LIPN: variants seen among roughly 807,000 people sequenced by gnomAD.
The protein encoded by LIPN is lipase member N.
In LIPN, 32 loss-of-function variants were observed where a neutral mutation model predicts 43.7. The observed-to-expected ratio is 0.73, with a 90% confidence interval of 0.55 to 0.98. The LOEUF (loss-of-function observed/expected upper bound fraction) is 0.98, where lower values mean the gene tolerates loss of function less well. LIPN is among the 50% of genes least tolerant of loss of function. The probability of loss-of-function intolerance (pLI) is 0.00; values close to 1 mark genes in which losing one functional copy is unlikely to be tolerated. For missense variants in LIPN, 505 were observed against 483.8 expected, an observed-to-expected ratio of 1.04 and a Z score of -0.41; for synonymous variants, 156 against 157.6, an observed-to-expected ratio of 0.99 and a Z score of 0.08.
chr10:88,776,944 A>T (rs1024955496), intron 9 of LIPN, among the ~76,000 whole-genome samples: 3 of 151,740 alleles, frequency 2.0e-5, no homozygotes, highest in African/African-American at 7.3e-5. Context: ...CCTGTCCCTT[A>T]TGAAAAACAA....
In LIPN at chr10:88,764,609, GTA is replaced by G. The variant is rs1843060779; in HGVS notation, c.425+2_425+3del. The stretch of plus-strand genomic sequence containing the variant: ...CAGATGAGAAATTCTGGGCCTTTAG[GTA>G]AATATTAGCTAAGAAAACTCAAGGG... On this transcript the variant is annotated splice_donor_variant and splice_donor_region_variant and intron_variant, in intron 4 of 9. Transcript: ENST00000404459. LOFTEE classifies it high-confidence loss of function. 1.9e-6 allele frequency: 3 copies of G among 1,583,804 alleles called. No homozygotes were observed. The highest frequency in any genetic ancestry group is 1.7e-6 in the Non-Finnish European group (2 of 1,163,232).
At chr10:88,762,430 A>C (rs1843018328) in intron 3 of LIPN, 125 bp downstream of exon 3, 1 of 646,174 alleles carries the variant, frequency 1.5e-6, no homozygotes, top group Admixed American at 2.4e-5. Flanking sequence ...ATTAGTCTTT[A>C]AATAGTTATC....
chr10:88,761,759 C>G (rs12258975), intron 2 of LIPN, among the ~76,000 whole-genome samples: 4 of 87,078 alleles, frequency 4.6e-5, no homozygotes, highest in African/African-American at 1.2e-4. Context: ...ATCTATCTAT[C>G]TATGTATCTA....
Position 88,761,530 on chromosome 10 carries a change from T to C in LIPN, c.108+17T>C. ...ATGAATACTGTAAGTCATGGAAAAC[T>C]GTGAAGAACATCAAATAAAGCAGGA... is the stretch of plus-strand genomic sequence containing the variant. On this transcript the variant is annotated intron_variant, in intron 2 of 9. Coordinates refer to ENST00000404459, the MANE Select transcript of LIPN (RefSeq NM_001102469.2). 3 of 1,533,260 alleles carry C rather than the reference T, an allele frequency of 2.0e-6. No individual in the cohort carries two copies. Among genetic ancestry groups the C allele is most frequent in the Non-Finnish European group, 9.0e-7 (1 of 1,107,640 alleles). The allele number at this position is 1,533,260 out of a possible 1,614,324, so 95.0% of individuals were successfully genotyped here.
At position 88,778,095 on chromosome 10, in the gene LIPN, G is replaced by T; in HGVS notation, c.1050G>T (p.Gln350His). The T allele has an allele frequency of 6.2e-7, 1 of 1,613,624 alleles. No individual in the cohort carries two copies. Among genetic ancestry groups the T allele is most frequent in the Non-Finnish European group, 8.5e-7 (1 of 1,179,684 alleles). ...GACATGATGTCCTCGTAACACCCCA[G>T]GATGTGGCCAGGATACTCCCTCAAA... is the stretch of plus-strand genomic sequence containing the variant. ...AGGHDVLVTP[Q>H]DVARILPQIK... The change falls in exon 10 of 10, where the codon CAG (glutamine) becomes CAT (histidine). Residue 350 changes from glutamine to histidine, a missense_variant. Transcript: ENST00000404459.
chr10:88,768,801 C>T lies in LIPN; in HGVS notation c.545C>T (p.Ala182Val). Residue 182 changes from alanine (A) to valine (V), a missense_variant, in exon 6 of 10, where the codon GCC becomes GTC. Ala to Val is a moderately conservative substitution (Grantham distance 64). Transcript: ENST00000404459. ...HSLGTTIGFV[A>V]FSTMPELAQR... Reference sequence around the variant, plus strand: ...TCTCCTGTTCTCTCAGGGTTTGTAGCCTTTTCCACCATGCCTGAACTGGCA... The same window carrying T: ...TCTCCTGTTCTCTCAGGGTTTGTAGTCTTTTCCACCATGCCTGAACTGGCA... 6.2e-7 allele frequency: 1 copy of T among 1,611,048 alleles called. No individual in the cohort carries two copies. Among genetic ancestry groups the T allele is most frequent in the Non-Finnish European group, 8.5e-7 (1 of 1,178,216 alleles).
Position 88,768,775 on chromosome 10 carries a change from A to G in LIPN, c.536-17A>G, listed in dbSNP as rs541378758. On this transcript the variant is annotated splice_polypyrimidine_tract_variant and intron_variant, in intron 5 of 9. Coordinates refer to ENST00000404459, the MANE Select transcript of LIPN (RefSeq NM_001102469.2). Reference sequence around the variant, plus strand: ...GTATTTATTTTTACAAGATTGTCTTATCTCCTGTTCTCTCAGGGTTTGTAG... The same window carrying G: ...GTATTTATTTTTACAAGATTGTCTTGTCTCCTGTTCTCTCAGGGTTTGTAG... The G allele has an allele frequency of 6.2e-7, 1 of 1,605,172 alleles. No individual in the cohort carries two copies. Among genetic ancestry groups the G allele is most frequent in the East Asian group, 2.2e-5 (1 of 44,628 alleles).
rs1240808381 is a variant in LIPN at position 88,766,383 on chromosome 10, G to GT, written c.535+8dup. On this transcript the variant is annotated splice_donor_region_variant and intron_variant, in intron 5 of 9. Transcript: ENST00000404459. ...ATTCACTTGGCACTACAATAGGTAT[G>GT]TTTATGAGGGTCACTGTTAGGTGTG... is the stretch of plus-strand genomic sequence containing the variant. The GT allele has an allele frequency of 6.7e-7, 1 of 1,498,424 alleles. No individual in the cohort carries two copies. The highest frequency in any genetic ancestry group is 9.3e-7 in the Non-Finnish European group (1 of 1,076,024). 92.8% of individuals were successfully genotyped at this position (1,498,424 alleles called of 1,614,324 possible).
At chr10:88,776,719 G>A (rs303481) in intron 9 of LIPN, among the ~76,000 whole-genome samples, 1 of 151,930 alleles carries the variant, frequency 6.6e-6, no homozygotes, top group Admixed American at 6.6e-5. Flanking sequence ...TTTCTCATCT[G>A]GAAGAGTACA....
At chr10:88,776,871 A>G (rs1312264147) in intron 9 of LIPN, among the ~76,000 whole-genome samples, 1 of 151,936 alleles carries the variant, frequency 6.6e-6, no homozygotes, top group East Asian at 1.9e-4. Flanking sequence ...TTTCCAAGTT[A>G]TTCCGGTCCT....
At chr10:88,762,659 T>C (rs531010501) in intron 3 of LIPN, among the ~76,000 whole-genome samples, 9 of 152,208 alleles carry the variant, frequency 5.9e-5, no homozygotes, top group African/African-American at 2.2e-4. Flanking sequence ...GGAGATTTTC[T>C]AGGTTGTATG....
At position 88,770,959 on chromosome 10, in the gene LIPN, T is replaced by A; in HGVS notation, c.787T>A (p.Trp263Arg). 1 of 1,572,080 alleles carries A rather than the reference T, an allele frequency of 6.4e-7. No homozygotes were observed. Among genetic ancestry groups the A allele is most frequent in the African/African-American group, 1.3e-5 (1 of 74,092 alleles). ...WLICSEFMSL[W>R]AGSNKKNMNQ... ...GATATGTAGCGAATTTATGTCCTTA[T>A]GGGCTGGATCCAACAAGAAAAATAT... Residue 263 changes from tryptophan (W) to arginine (R), a missense_variant, in exon 7 of 10, where the codon TGG (tryptophan) becomes AGG (arginine). Coordinates refer to ENST00000404459, the MANE Select transcript of LIPN (RefSeq NM_001102469.2).
chr10:88,763,156 T>TTAC (rs1373088002), intron 3 of LIPN, among the ~76,000 whole-genome samples: 2 of 152,016 alleles, frequency 1.3e-5, no homozygotes, highest in East Asian at 3.9e-4. Context: ...ATGAGTAGTT[T>TTAC]TACTAGTTAA....
In LIPN at chr10:88,778,320, G is replaced by A. The variant is rs982671572; in HGVS notation, c.*78G>A. The A allele has an allele frequency of 9.6e-7, 1 of 1,045,808 alleles. No individual in the cohort carries two copies. The highest frequency in any genetic ancestry group is 1.4e-6 in the Non-Finnish European group (1 of 707,446). 64.8% of individuals were successfully genotyped at this position (1,045,808 alleles called of 1,614,324 possible). On this transcript the variant is annotated 3_prime_UTR_variant, in exon 10 of 10. Coordinates refer to ENST00000404459, the MANE Select transcript of LIPN (RefSeq NM_001102469.2). Reference sequence around the variant, plus strand: ...TTTAGAAAAAATAGTAACCAACAATGAGGTTGTCCCCCAGCACCCTGGGGG... The same window carrying A: ...TTTAGAAAAAATAGTAACCAACAATAAGGTTGTCCCCCAGCACCCTGGGGG...
chr10:88,767,662 A>C lies in LIPN; in HGVS notation c.536-1130A>C, dbSNP rs1176256115. 3.1e-3 allele frequency among the ~76,000 whole-genome samples: 187 copies of C among 61,196 alleles called. 2 individuals carry two copies. Among genetic ancestry groups the C allele is most frequent in the African/African-American group, 0.01 (171 of 16,302 alleles). The allele number at this position is 61,196 out of a possible 152,430, so 40.1% of individuals were successfully genotyped here. Reference sequence around the variant, plus strand: ...TGATCTGCAAAAAAAAAAAAAAAAAAAAAAAAAAAAAAAAAAAAAAAAAAA... The same window carrying C: ...TGATCTGCAAAAAAAAAAAAAAAAACAAAAAAAAAAAAAAAAAAAAAAAAA... On this transcript the variant is annotated intron_variant, in intron 5 of 9. Transcript: ENST00000404459.
intron 1 of LIPN, 101 bp from the exon 2 acceptor site, chr10:88,761,297 C>T (rs1340940283): frequency 2.6e-6 from 2 of 755,302 alleles, no homozygotes; most frequent in African/African-American, 1.7e-5. Context: ...CGGTGTTATT[C>T]AAGTTTTCAT....
At chr10:88,774,024 G>A (rs1843253693) in intron 7 of LIPN, among the ~76,000 whole-genome samples, 2 of 151,958 alleles carry the variant, frequency 1.3e-5, no homozygotes, top group Admixed American at 6.6e-5. Flanking sequence ...TGAAAACACA[G>A]AAACTCAAAG....
At chr10:88,768,327 T>C (rs962030783) in intron 5 of LIPN, among the ~76,000 whole-genome samples, 6 of 151,950 alleles carry the variant, frequency 3.9e-5, no homozygotes, top group Middle Eastern at 3.4e-3. Flanking sequence ...TGAAATTTCA[T>C]TCCATAGTGA....
At chr10:88,771,099 C>A in intron 7 of LIPN, 108 bp downstream of exon 7, 1 of 940,366 alleles carries the variant, frequency 1.1e-6, no homozygotes, top group South Asian at 2.1e-5. Flanking sequence ...GTATTCCAAA[C>A]CCTTAAAGAC....
Sources: gnomAD v4.1 joint callset for allele counts (sites outside exome capture counted in the v4.1 genomes callset) on GRCh38, gnomAD v4.1.1 for gene constraint, MANE v1.5 for transcripts, NCBI Gene and HGNC (gene_info 2026-07-23, HGNC 2026-07-21) for gene names.